Variants in ELMOD1 observed in about 807,000 individuals in gnomAD.
ELMOD1 encodes the protein ELMO domain containing 1, also known as ELMO domain-containing protein 1.
A neutral mutation model predicts 46.7 loss-of-function variants in ELMOD1; 21 were observed. The ratio of observed to expected loss-of-function variants is 0.45; its 90% CI spans 0.32 to 0.65. The LOEUF is 0.65. Ranked by LOEUF, ELMOD1 falls within the 30% of genes least tolerant of loss-of-function variation. ELMOD1 has a pLI of 0.04. For synonymous variants in ELMOD1, 122 were observed against 138.2 expected, an observed-to-expected ratio of 0.88 and a Z score of 0.82; for missense variants, 348 against 407.8, an observed-to-expected ratio of 0.85 and a Z score of 1.26.
intron 1 of ELMOD1, among the ~76,000 whole-genome samples, chr11:107,603,517 C>G (rs1480291794): frequency 3.4e-5 from 5 of 148,304 alleles, no homozygotes; most frequent in African/African-American, 5.0e-5. Flanking sequence ...CCAGCCTGGG[C>G]GATAGAGCGA....
At chr11:107,663,801 T>G (rs562899431) in intron 11 of ELMOD1, among the ~76,000 whole-genome samples, 32 of 152,334 alleles carry the variant, frequency 2.1e-4, no homozygotes, top group Non-Finnish European at 4.0e-4. Context: ...TTTTGTACTA[T>G]TAGAATTAAG....
chr11:107,655,933 G>A lies in ELMOD1; in HGVS notation c.699G>A (p.Gly233=), dbSNP rs1866622223. 1.2e-6 allele frequency: 2 copies of A among 1,606,548 alleles called. No homozygotes were observed. The highest frequency in any genetic ancestry group is 1.7e-6 in the Non-Finnish European group (2 of 1,176,076). Reference sequence around the variant, plus strand: ...TGGTTTTGTGGTTTATACTTTATAGGTACTCATTTGCAATTGTGGGCATCA... The same window carrying A: ...TGGTTTTGTGGTTTATACTTTATAGATACTCATTTGCAATTGTGGGCATCA... ...WEKKRMDKAI[G]YSFAIVGINI... Residue 233 remains glycine, a splice_region_variant and synonymous_variant, in exon 11 of 12, where the codon GGG becomes GGA. Coordinates refer to ENST00000265840, the MANE Select transcript of ELMOD1 (RefSeq NM_018712.4).
In ELMOD1 at chr11:107,628,167, G is replaced by A. The variant is rs182098100; in HGVS notation, c.18-2250G>A. Among the ~76,000 whole-genome samples the A allele has an allele frequency of 3.2e-3, 412 of 130,748 alleles. 5 individuals carry two copies. The highest frequency in any genetic ancestry group is 0.013 in the African/African-American group (391 of 31,184). The allele number at this position is 130,748 out of a possible 152,430, so 85.8% of individuals were successfully genotyped here. ...AGAGAGCAAGCTGAGGGGTTTTTTT[G>A]TTTTGTTTTGTTTTGTTTGAGACAG... On this transcript the variant is annotated intron_variant, in intron 2 of 11. Transcript: ENST00000265840.
At chr11:107,641,153 G>C (rs569571335) in intron 6 of ELMOD1, among the ~76,000 whole-genome samples, 2 of 152,056 alleles carry the variant, frequency 1.3e-5, no homozygotes, top group African/African-American at 4.8e-5. Context: ...TTAGCCAGGC[G>C]TGGTGGTGCA....
In ELMOD1 at chr11:107,666,776, C is replaced by G. The variant is rs1202823429; in HGVS notation, c.*1579C>G. 1 of 152,518 alleles carries G rather than the reference C, an allele frequency of 6.6e-6. No homozygotes were observed. Among genetic ancestry groups the G allele is most frequent in the Admixed American group, 6.6e-5 (1 of 15,252 alleles). 9.4% of individuals were successfully genotyped at this position (152,518 alleles called of 1,614,324 possible). ...TAAATTACATGTCATTCTACTGTAA[C>G]GTATATTGGATTTCATATTAATATT... is the stretch of plus-strand genomic sequence containing the variant. On this transcript the variant is annotated 3_prime_UTR_variant, in exon 12 of 12. Transcript: ENST00000265840.
intron 6 of ELMOD1, among the ~76,000 whole-genome samples, chr11:107,646,043 A>G (rs1252188238): frequency 6.6e-6 from 1 of 152,192 alleles, no homozygotes. Flanking sequence ...TAGTAAGGAA[A>G]TTTTACATTT....
chr11:107,608,646 T>C (rs1246948215), intron 1 of ELMOD1, among the ~76,000 whole-genome samples: 6 of 152,188 alleles, frequency 3.9e-5, no homozygotes, highest in Admixed American at 2.0e-4. Context: ...TAAAGAATAA[T>C]ATAAAACTCA....
intron 7 of ELMOD1, among the ~76,000 whole-genome samples, chr11:107,648,279 C>T (rs1866467864): frequency 6.6e-6 from 1 of 152,246 alleles, no homozygotes; most frequent in Non-Finnish European, 1.5e-5. Flanking sequence ...TTTGCCCCCT[C>T]CTCCATGTCA....
chr11:107,604,553 C>T lies in ELMOD1; in HGVS notation c.-86+13144C>T, dbSNP rs577121094. ...TTGATTCTAAGATACTTTTTTCCCC[C>T]ACATCACTAAAATTAGATGAATTGT... On this transcript the variant is annotated intron_variant, in intron 1 of 11. Transcript: ENST00000265840. Among the ~76,000 whole-genome samples, 5 of 152,168 alleles carry T rather than the reference C, an allele frequency of 3.3e-5. 1 individual carries two copies. In the South Asian group the frequency reaches 1.0e-3, roughly 32 times the overall value.
chr11:107,599,639 G>A (rs1045607906), intron 1 of ELMOD1, among the ~76,000 whole-genome samples: 1 of 150,552 alleles, frequency 6.6e-6, no homozygotes, highest in African/African-American at 2.4e-5. Flanking sequence ...CTACTTGGGA[G>A]GCTGAGGTGA....
chr11:107,645,617 G>A (rs1328604889), intron 6 of ELMOD1, among the ~76,000 whole-genome samples: 1 of 152,116 alleles, frequency 6.6e-6, no homozygotes. Flanking sequence ...GAGCCACCGC[G>A]CCCGGCCAGT....
At chr11:107,595,184 G>T (rs12288175) in intron 1 of ELMOD1, among the ~76,000 whole-genome samples, 1 of 150,420 alleles carries the variant, frequency 6.6e-6, no homozygotes, top group Non-Finnish European at 1.5e-5. Context: ...TCCTTCAGAA[G>T]AGCCTCATGT....
In ELMOD1 at chr11:107,623,123, C is replaced by T. The variant is rs372746606; in HGVS notation, c.17+4917C>T. On this transcript the variant is annotated intron_variant, in intron 2 of 11. Transcript: ENST00000265840. ...TATATCTCCTAATGCTATCCCTCCC[C>T]GATTCCCCCACCCCACAACAGGCCC... 1.1e-3 allele frequency among the ~76,000 whole-genome samples: 160 copies of T among 152,092 alleles called. 1 individual carries two copies. The South Asian group carries it at 0.02, about 19-fold the overall frequency.
chr11:107,612,466 C>T (rs997901702), intron 1 of ELMOD1, among the ~76,000 whole-genome samples: 53 of 152,108 alleles, frequency 3.5e-4, no homozygotes, highest in Non-Finnish European at 1.6e-4. Context: ...ACGCAACATA[C>T]GCATATAACA....
At chr11:107,633,270 T>G (rs1327144164) in intron 5 of ELMOD1, among the ~76,000 whole-genome samples, 3 of 152,150 alleles carry the variant, frequency 2.0e-5, no homozygotes, top group Non-Finnish European at 2.9e-5. Flanking sequence ...TATAAAAAAA[T>G]TAAGTACTTT....
At chr11:107,597,068 C>T (rs1037479480) in intron 1 of ELMOD1, among the ~76,000 whole-genome samples, 2 of 152,164 alleles carry the variant, frequency 1.3e-5, no homozygotes, top group Non-Finnish European at 2.9e-5. Flanking sequence ...TGGAAGCCAA[C>T]ATAGAAGCTG....
chr11:107,631,312 G>C (rs946647819), intron 4 of ELMOD1, among the ~76,000 whole-genome samples: 9 of 151,710 alleles, frequency 5.9e-5, no homozygotes, highest in African/African-American at 1.9e-4. Context: ...TTCAATATAG[G>C]TAGCTTGAAA....
At position 107,631,762 on chromosome 11, in the gene ELMOD1, T is replaced by G. The variant is rs1591121424; in HGVS notation, c.290+85T>G. The G allele has an allele frequency of 2.4e-5, 16 of 658,430 alleles. No individual in the cohort carries two copies. In the East Asian group the frequency reaches 5.2e-4, roughly 22 times the overall value. 40.8% of individuals were successfully genotyped at this position (658,430 alleles called of 1,614,324 possible). A position where few individuals can be genotyped will look rare whatever the true frequency, so the allele number is the denominator to read the frequency against. ...GTGTTTCTCTGTCTCCTCTCTTTTT[T>G]TTTCTCCCTCTCTCCCTAAAATAAT... On this transcript the variant is annotated intron_variant, in intron 5 of 11. Coordinates refer to ENST00000265840, the MANE Select transcript of ELMOD1 (RefSeq NM_018712.4).
At chr11:107,622,113 A>G (rs1484084646) in intron 2 of ELMOD1, among the ~76,000 whole-genome samples, 1 of 152,218 alleles carries the variant, frequency 6.6e-6, no homozygotes, top group Non-Finnish European at 1.5e-5. Flanking sequence ...AAACTAAGAT[A>G]TATAAAAGAA....
Sources: allele counts gnomAD v4.1 joint callset (sites outside exome capture counted in the v4.1 genomes callset), GRCh38; gene constraint gnomAD v4.1.1; transcripts MANE v1.5; gene names NCBI Gene and HGNC (gene_info 2026-07-23, HGNC 2026-07-21).